The following WASHC2A variants were observed in gnomAD, a reference collection of about 807,000 sequenced individuals.
WASHC2A encodes WASH complex subunit FAM21A.
In WASHC2A, 82 loss-of-function variants were observed where a neutral mutation model predicts 140.3. That is an observed-to-expected ratio of 0.58 (90% confidence interval 0.49 to 0.70). The LOEUF (loss-of-function observed/expected upper bound fraction) is 0.70, where lower values mean the gene tolerates loss of function less well. Among genes scored for constraint, WASHC2A ranks in the 30% least tolerant of loss-of-function variants. The pLI, the probability that WASHC2A is intolerant of heterozygous loss-of-function variation, is 0.00. For synonymous variants in WASHC2A, 340 were observed against 560.8 expected, an observed-to-expected ratio of 0.61 and a Z score of 5.56; for missense variants, 985 against 1,521.8, an observed-to-expected ratio of 0.65 and a Z score of 5.87.
At position 50,078,741 on chromosome 10, in the gene WASHC2A, C is replaced by G; in HGVS notation, c.354+4C>G. On this transcript the variant is annotated splice_donor_region_variant and intron_variant, in intron 4 of 30. Coordinates refer to ENST00000282633, the MANE Select transcript of WASHC2A (RefSeq NM_001005751.3). The stretch of plus-strand genomic sequence containing the variant: ...TGAGGCAGAAAAAACAGAGCAGGTA[C>G]TTGTATAAAATCACTCTTAGCTGAG... 5 of 1,611,790 alleles carry G rather than the reference C, an allele frequency of 3.1e-6. No individual in the cohort carries two copies.
At chr10:50,079,767 C>T (rs1838727345) in intron 4 of WASHC2A, among the ~76,000 whole-genome samples, 1 of 151,886 alleles carries the variant, frequency 6.6e-6, no homozygotes, top group Non-Finnish European at 1.5e-5. Flanking sequence ...CTGGTTATAC[C>T]AATTCAGGGT....
At chr10:50,094,642 C>T (rs1213118250) in intron 13 of WASHC2A, among the ~76,000 whole-genome samples, 4 of 152,202 alleles carry the variant, frequency 2.6e-5, no homozygotes, top group Middle Eastern at 3.4e-3. Context: ...GCCTGCTGTG[C>T]GGGCTGCTAG....
At chr10:50,083,692 G>A (rs1839131366) in intron 5 of WASHC2A, among the ~76,000 whole-genome samples, 1 of 113,948 alleles carries the variant, frequency 8.8e-6, no homozygotes, top group African/African-American at 3.7e-5. Context: ...GAGTAGCTAG[G>A]ATGACAGTTA....
chr10:50,068,017 G>A lies in WASHC2A; in HGVS notation c.3+9G>A. 1 of 1,607,588 alleles carries A rather than the reference G, an allele frequency of 6.2e-7. No individual in the cohort carries two copies. The highest frequency in any genetic ancestry group is 1.3e-5 in the African/African-American group (1 of 74,930). ...GCCGGGCGGCTAGGATGGTGAGGGCGCCGGGCAGGAGAGAGGCCGGCCTGG... is the reference window on the plus strand; with the variant it reads ...GCCGGGCGGCTAGGATGGTGAGGGCACCGGGCAGGAGAGAGGCCGGCCTGG... On this transcript the variant is annotated intron_variant, in intron 1 of 30. Coordinates refer to ENST00000282633, the MANE Select transcript of WASHC2A (RefSeq NM_001005751.3).
rs559752002 is a variant in WASHC2A, at chr10:50,092,611, C to T, written c.1003+378C>T. On this transcript the variant is annotated intron_variant, in intron 11 of 30. Transcript: ENST00000282633. ...GGCAGAGATTGCAGTGAGCCTTGAT[C>T]GCGCCACTGCATTCCAGCCCAGGTG... Among the ~76,000 whole-genome samples, 88 of 152,084 alleles carry T rather than the reference C, an allele frequency of 5.8e-4. 2 individuals are homozygous for T. In the South Asian group the frequency reaches 0.015, roughly 26 times the overall value.
chr10:50,127,495 T>C, intron 27 of WASHC2A, 88 bp from the exon 28 acceptor site: 8 of 1,611,998 alleles, frequency 5.0e-6, no homozygotes, highest in Non-Finnish European at 5.9e-6. Context: ...TTATACATTA[T>C]GTGCACCGAA....
intron 17 of WASHC2A, among the ~76,000 whole-genome samples, chr10:50,101,878 C>T (rs1554886950): frequency 1.3e-5 from 2 of 151,510 alleles, no homozygotes; most frequent in Non-Finnish European, 3.0e-5. Context: ...CTCTCACTAG[C>T]CCTGTGTGGC....
intron 15 of WASHC2A, among the ~76,000 whole-genome samples, chr10:50,097,225 A>T (rs1478141467): frequency 6.7e-6 from 1 of 148,922 alleles, no homozygotes; most frequent in East Asian, 2.0e-4. Flanking sequence ...TTGTTTGAGT[A>T]GACTGGTGGA....
At chr10:50,090,515 A>AAAATATATATATATATATATATATATAT (rs1214596899) in intron 8 of WASHC2A, among the ~76,000 whole-genome samples, 1 of 108,766 alleles carries the variant, frequency 9.2e-6, no homozygotes, top group African/African-American at 3.3e-5. Flanking sequence ...AAAAAAAAAA[A>AAAATATATATATATATATATATATATAT]ATATATATAT....
At chr10:50,072,451 G>C (rs1194062019) in intron 3 of WASHC2A, among the ~76,000 whole-genome samples, 125 of 139,848 alleles carry the variant, frequency 8.9e-4, no homozygotes, top group Middle Eastern at 3.9e-3. Flanking sequence ...AAAAAATATA[G>C]TTGCTGATAT....
Position 50,125,200 on chromosome 10 carries a change from G to A in WASHC2A, c.2566G>A (p.Asp856Asn), listed in dbSNP as rs1434123864. 8 of 1,610,066 alleles carry A rather than the reference G, an allele frequency of 5.0e-6. No individual in the cohort carries two copies. The African/African-American group carries it at 1.1e-4, about 22-fold the overall frequency. The change falls in exon 24 of 31, where the codon GAC becomes AAC. Residue 856 changes from aspartate (D) to asparagine (N), a missense_variant. Transcript: ENST00000282633. ...CAGCCACAAGCTCCAAAAGGACAAT[G>A]ACCCAGATGTTGACCTTTTTGCTGG... is the stretch of plus-strand genomic sequence containing the variant. Reference protein sequence around the residue: ...LFSHKLQKDNDPDVDLFAGTK... With the variant: ...LFSHKLQKDNNPDVDLFAGTK...
At chr10:50,094,845 C>T (rs1840312549) in intron 13 of WASHC2A, among the ~76,000 whole-genome samples, 1 of 150,526 alleles carries the variant, frequency 6.6e-6, no homozygotes, top group African/African-American at 2.4e-5. Flanking sequence ...TCATGCTGTC[C>T]CTGCCTCTGC....
intron 23 of WASHC2A, among the ~76,000 whole-genome samples, chr10:50,120,477 T>A (rs1159617114): frequency 1.4e-5 from 2 of 144,242 alleles, no homozygotes; most frequent in African/African-American, 2.8e-5. Context: ...AAAAATAGCT[T>A]GGCGTGATGA....
At chr10:50,095,059 G>C (rs1840339176) in intron 13 of WASHC2A, 89 bp from the exon 14 acceptor site, 10 of 1,602,590 alleles carry the variant, frequency 6.2e-6, no homozygotes, top group Non-Finnish European at 7.7e-6. Context: ...GATACTAGCT[G>C]TGTTTTACAT....
At position 50,097,661 on chromosome 10, in the gene WASHC2A, G is replaced by A. The variant is rs1840615483; in HGVS notation, c.1421-14G>A. 6.4e-7 allele frequency: 1 copy of A among 1,573,218 alleles called. No individual in the cohort carries two copies. Among genetic ancestry groups the A allele is most frequent in the Non-Finnish European group, 8.6e-7 (1 of 1,156,426 alleles). ...TGACGTTAGTGTCATTTTATGCCTT[G>A]GTATTTTTTACAGGCAAAGTCCAAT... On this transcript the variant is annotated splice_polypyrimidine_tract_variant and intron_variant, in intron 15 of 30. Coordinates refer to ENST00000282633, the MANE Select transcript of WASHC2A (RefSeq NM_001005751.3).
Position 50,124,090 on chromosome 10 carries a change from G to T in WASHC2A, c.2479-1023G>T, listed in dbSNP as rs1357544319. 5.1e-4 allele frequency among the ~76,000 whole-genome samples: 72 copies of T among 141,934 alleles called. 1 individual carries two copies. Among genetic ancestry groups the T allele is most frequent in the Middle Eastern group, 3.7e-3 (1 of 270 alleles). The allele number at this position is 141,934 out of a possible 152,430, so 93.1% of individuals were successfully genotyped here. On this transcript the variant is annotated intron_variant, in intron 23 of 30. Transcript: ENST00000282633. The stretch of plus-strand genomic sequence containing the variant: ...AGTAAGTTTTTCATTAGTTTTTTTG[G>T]TTTTTTTGTTTTGTTTTGTTTTGTT...
chr10:50,105,961 T>C (rs1841727143), intron 18 of WASHC2A, among the ~76,000 whole-genome samples: 1 of 152,080 alleles, frequency 6.6e-6, no homozygotes, highest in Admixed American at 6.6e-5. Flanking sequence ...AGTGTGAGTT[T>C]CTGGCTGCTG....
intron 7 of WASHC2A, 22 bp from the exon 8 acceptor site, chr10:50,087,253 A>G (rs1839467383): frequency 1.9e-5 from 31 of 1,613,886 alleles, no homozygotes; most frequent in Non-Finnish European, 2.6e-5. Context: ...TTTAACAACA[A>G]AGCCTTTTCT....
Position 50,083,626 on chromosome 10 carries a change from C to T in WASHC2A, c.529-446C>T, listed in dbSNP as rs574860806. On this transcript the variant is annotated intron_variant, in intron 5 of 30. Coordinates refer to ENST00000282633, the MANE Select transcript of WASHC2A (RefSeq NM_001005751.3). Reference sequence around the variant, plus strand: ...AGGCTGGAGTGCAGTAGTGCAATCTCAGCTCACTGCAACACTGTTTCCTGG... The same window carrying T: ...AGGCTGGAGTGCAGTAGTGCAATCTTAGCTCACTGCAACACTGTTTCCTGG... Among the ~76,000 whole-genome samples the T allele has an allele frequency of 1.5e-3, 167 of 114,816 alleles. 11 individuals are homozygous for T. The highest frequency in any genetic ancestry group is 6.0e-3 in the African/African-American group (159 of 26,350). The allele number at this position is 114,816 out of a possible 152,430, so 75.3% of individuals were successfully genotyped here.
Sources: gnomAD v4.1 joint callset for allele counts (sites outside exome capture counted in the v4.1 genomes callset) on GRCh38, gnomAD v4.1.1 for gene constraint, MANE v1.5 for transcripts, NCBI Gene and HGNC (gene_info 2026-07-23, HGNC 2026-07-21) for gene names.